RNF4: variants seen among roughly 807,000 people sequenced by gnomAD.
The protein encoded by RNF4 is E3 ubiquitin-protein ligase RNF4.
A neutral mutation model predicts 24.3 loss-of-function variants in RNF4; 7 were observed. The observed-to-expected ratio is 0.29, with a 90% CI of 0.16 to 0.54. RNF4 has a LOEUF of 0.54. RNF4 is among the 20% of genes least tolerant of loss of function. The pLI, the probability that RNF4 is intolerant of heterozygous loss-of-function variation, is 0.95. For missense variants in RNF4, 209 were observed against 248.5 expected, an observed-to-expected ratio of 0.84 and a Z score of 1.07; for synonymous variants, 83 against 84.3, an observed-to-expected ratio of 0.98 and a Z score of 0.09.
chr4:2,470,761 C>T (rs1396192973), intron 1 of RNF4, among the ~76,000 whole-genome samples: 1 of 151,916 alleles, frequency 6.6e-6, no homozygotes, highest in Non-Finnish European at 1.5e-5. Context: ...TCGTGGTCCT[C>T]CTGTAGCTGG....
chr4:2,505,760 G>GTTTT (rs1736082622), intron 4 of RNF4: 1 of 81,658 alleles, frequency 1.2e-5, no homozygotes, highest in African/African-American at 5.4e-5. Flanking sequence ...TTTTGAGACG[G>GTTTT]TTTCTCACTG....
At chr4:2,501,435 G>T (rs1049831654) in intron 4 of RNF4, among the ~76,000 whole-genome samples, 1 of 152,248 alleles carries the variant, frequency 6.6e-6, no homozygotes, top group Non-Finnish European at 1.5e-5. Flanking sequence ...AGCCCAGGAG[G>T]CTGCCTGTGT....
At chr4:2,500,088 C>T (rs1359749558) in intron 3 of RNF4, among the ~76,000 whole-genome samples, 2 of 142,730 alleles carry the variant, frequency 1.4e-5, no homozygotes, top group Non-Finnish European at 1.5e-5. Flanking sequence ...ACCCAGGAGG[C>T]GGAGGTTGCA....
chr4:2,514,558 C>G lies in RNF4; in HGVS notation c.*739C>G, dbSNP rs1177370240. 6.5e-6 allele frequency: 1 copy of G among 153,288 alleles called. No homozygotes were observed. Among genetic ancestry groups the G allele is most frequent in the Admixed American group, 6.5e-5 (1 of 15,274 alleles). The allele number at this position is 153,288 out of a possible 1,614,324, so 9.5% of individuals were successfully genotyped here. A position where few individuals can be genotyped will look rare whatever the true frequency, so the allele number is the denominator to read the frequency against. On this transcript the variant is annotated 3_prime_UTR_variant, in exon 8 of 8. Coordinates refer to ENST00000314289, the MANE Select transcript of RNF4 (RefSeq NM_002938.5). Reference sequence around the variant, plus strand: ...CCCATCCCAGCCCGTTTCTGCCCACCAGTTGTTCTCAGGAACCTTACCCAT... The same window carrying G: ...CCCATCCCAGCCCGTTTCTGCCCACGAGTTGTTCTCAGGAACCTTACCCAT...
chr4:2,473,004 C>T (rs1734953839), intron 1 of RNF4, among the ~76,000 whole-genome samples: 1 of 151,732 alleles, frequency 6.6e-6, no homozygotes, highest in Non-Finnish European at 1.5e-5. Context: ...AGCACCACTG[C>T]ACTCCAGCCT....
chr4:2,505,132 C>A (rs1736040576), intron 4 of RNF4: 1 of 152,074 alleles, frequency 6.6e-6, no homozygotes, highest in Admixed American at 6.6e-5. Context: ...GTAGCTTTTC[C>A]AGAACTGCTG....
At chr4:2,500,424 C>T (rs1024000031) in intron 3 of RNF4, among the ~76,000 whole-genome samples, 1 of 152,124 alleles carries the variant, frequency 6.6e-6, no homozygotes, top group African/African-American at 2.4e-5. Context: ...TACATAACCC[C>T]CCAGGTACAT....
rs116645369 is a variant in RNF4, at chr4:2,487,866, A to G, written c.-157-2471A>G. Among the ~76,000 whole-genome samples, 1,165 of 152,306 alleles carry G rather than the reference A, an allele frequency of 7.6e-3. 19 individuals are homozygous for G. Among genetic ancestry groups the G allele is most frequent in the African/African-American group, 0.027 (1,103 of 41,572 alleles). On this transcript the variant is annotated intron_variant, in intron 1 of 7. Transcript: ENST00000314289. ...GGTCAAGCTAGAGAATGAGGCGCTC[A>G]GGGAGTGAGATACAGTATGCCATTT...
intron 2 of RNF4, among the ~76,000 whole-genome samples, chr4:2,495,861 C>T (rs536267460): frequency 4.6e-5 from 7 of 152,266 alleles, no homozygotes; most frequent in Admixed American, 1.3e-4. Flanking sequence ...GAACTCCTGA[C>T]CTCTGGTGAT....
intron 4 of RNF4, among the ~76,000 whole-genome samples, chr4:2,508,066 G>A (rs576180492): frequency 8.5e-5 from 13 of 152,116 alleles, no homozygotes; most frequent in African/African-American, 2.2e-4. Context: ...GGATGGTCTC[G>A]ACCTCCTGAG....
intron 1 of RNF4, among the ~76,000 whole-genome samples, chr4:2,473,396 A>G (rs1217741314): frequency 6.6e-6 from 1 of 152,156 alleles, no homozygotes. Context: ...AAAAAAATCA[A>G]TTAACACAAC....
intron 4 of RNF4, chr4:2,505,414 C>T (rs1213626876): frequency 2.6e-5 from 4 of 152,004 alleles, no homozygotes; most frequent in South Asian, 2.1e-4. Flanking sequence ...CCAGCTCCGC[C>T]TCCTGGGTTC....
intron 1 of RNF4, chr4:2,480,272 C>CT (rs34449919): frequency 0.091 from 11,928 of 131,270 alleles, 663 homozygotes; most frequent in Non-Finnish European, 0.13. Flanking sequence ...TTCATTCATT[C>CT]TTTTTTTTTT....
chr4:2,473,733 CT>C (rs1408508015), intron 1 of RNF4, among the ~76,000 whole-genome samples: 1 of 151,946 alleles, frequency 6.6e-6, no homozygotes, highest in African/African-American at 2.4e-5. Context: ...TTGCTTAAAC[CT>C]GGAGGGGCAG....
intron 1 of RNF4, among the ~76,000 whole-genome samples, chr4:2,470,812 T>A (rs960784231): frequency 7.4e-6 from 1 of 134,856 alleles, no homozygotes; most frequent in Non-Finnish European, 1.5e-5. Flanking sequence ...TTTTATTGTG[T>A]TTTGCAAATA....
chr4:2,502,914 G>C (rs1735959342), intron 4 of RNF4, among the ~76,000 whole-genome samples: 1 of 152,004 alleles, frequency 6.6e-6, no homozygotes. Context: ...GCAGTGGCAT[G>C]ATCACACCTT....
intron 7 of RNF4, 76 bp downstream of exon 7, chr4:2,513,207 TC>T: frequency 1.4e-6 from 2 of 1,400,404 alleles, no homozygotes; most frequent in South Asian, 1.2e-5. Flanking sequence ...GACAGGATCT[TC>T]CCCCTCGGTG....
intron 4 of RNF4, chr4:2,505,328 CTTTT>C (rs767549539): frequency 1.4e-5 from 2 of 140,502 alleles, no homozygotes; most frequent in African/African-American, 2.6e-5. Flanking sequence ...CTGCATCTCT[CTTTT>C]TTTTTTTTTT....
At chr4:2,489,432 A>C (rs1224013223) in intron 1 of RNF4, among the ~76,000 whole-genome samples, 1 of 151,700 alleles carries the variant, frequency 6.6e-6, no homozygotes, top group African/African-American at 2.4e-5. Flanking sequence ...CTGTTTTGCA[A>C]CTCCATCTCG....
Sources: allele counts gnomAD v4.1 joint callset (sites outside exome capture counted in the v4.1 genomes callset), GRCh38; gene constraint gnomAD v4.1.1; transcripts MANE v1.5; gene names NCBI Gene and HGNC (gene_info 2026-07-23, HGNC 2026-07-21).